The following EZH2 variants were observed in gnomAD, a reference collection of about 807,000 sequenced individuals.
The protein encoded by EZH2 is histone-lysine N-methyltransferase EZH2.
Under a neutral mutation model 98.4 loss-of-function variants are expected in EZH2, and 18 were observed. The ratio of observed to expected loss-of-function variants is 0.18; its 90% CI spans 0.13 to 0.27. The LOEUF (loss-of-function observed/expected upper bound fraction) is 0.27, where lower values mean the gene tolerates loss of function less well. Among genes scored for constraint, EZH2 ranks in the 10% least tolerant of loss-of-function variants. The pLI, the probability that EZH2 is intolerant of heterozygous loss-of-function variation, is 1.00. For synonymous variants in EZH2, 338 were observed against 312.3 expected, an observed-to-expected ratio of 1.08 and a Z score of -0.87; for missense variants, 470 against 935.1, an observed-to-expected ratio of 0.50 and a Z score of 6.49.
chr7:148,820,605 C>T (rs117650406), intron 8 of EZH2, among the ~76,000 whole-genome samples: 2,236 of 150,992 alleles, frequency 0.015, 27 homozygotes, highest in Middle Eastern at 0.024. Flanking sequence ...ATTCAAGGCT[C>T]AGATTCTGTT....
At chr7:148,826,775 C>A in intron 7 of EZH2, 143 bp from the exon 8 acceptor site, 1 of 541,682 alleles carries the variant, frequency 1.8e-6, no homozygotes, top group Non-Finnish European at 2.9e-6. Context: ...GATAAAGAGC[C>A]AACTAAATAT....
chr7:148,833,495 T>G (rs1191840156), intron 3 of EZH2, among the ~76,000 whole-genome samples: 2 of 151,902 alleles, frequency 1.3e-5, no homozygotes, highest in Non-Finnish European at 2.9e-5. Flanking sequence ...ATAAAAAGAA[T>G]AAGAAAACTT....
At chr7:148,833,550 C>G (rs1810025813) in intron 3 of EZH2, among the ~76,000 whole-genome samples, 4 of 152,142 alleles carry the variant, frequency 2.6e-5, no homozygotes, top group Non-Finnish European at 5.9e-5. Context: ...ATCTAAGTGT[C>G]AATTGCTGAT....
chr7:148,875,066 G>C (rs535548916), intron 1 of EZH2, among the ~76,000 whole-genome samples: 1 of 151,942 alleles, frequency 6.6e-6, no homozygotes, highest in Admixed American at 6.5e-5. Flanking sequence ...AAATGAAAAG[G>C]TTTGAATTAT....
chr7:148,832,773 G>C lies in EZH2; in HGVS notation c.247-23C>G, dbSNP rs751925270. ...ACACTAAAACAGAAAAAATAAAATT[G>C]ACTCTTAAGAATAAAAGGACAACCT... On this transcript the variant is annotated intron_variant, in intron 3 of 19. Transcript: ENST00000320356. 2.4e-5 allele frequency: 35 copies of C among 1,442,624 alleles called. No homozygotes were observed. In the Admixed American group the frequency reaches 6.2e-4, roughly 26 times the overall value. 89.4% of individuals were successfully genotyped at this position (1,442,624 alleles called of 1,614,324 possible).
At chr7:148,851,553 C>T (rs547663258) in intron 1 of EZH2, among the ~76,000 whole-genome samples, 2 of 152,098 alleles carry the variant, frequency 1.3e-5, no homozygotes, top group Non-Finnish European at 2.9e-5. Context: ...AACACCACAG[C>T]CAAGTAAGCA....
chr7:148,881,939 A>T (rs1821022656), intron 1 of EZH2, among the ~76,000 whole-genome samples: 1 of 140,742 alleles, frequency 7.1e-6, no homozygotes, highest in Non-Finnish European at 1.5e-5. Context: ...GTCTCAAAAA[A>T]AAAAAAACAT....
At chr7:148,839,131 G>A (rs1015452758) in intron 3 of EZH2, among the ~76,000 whole-genome samples, 1 of 149,426 alleles carries the variant, frequency 6.7e-6, no homozygotes, top group Non-Finnish European at 1.5e-5. Context: ...GATGGCACAG[G>A]CTGTGGTTTC....
chr7:148,871,633 G>C (rs1419941907), intron 1 of EZH2, among the ~76,000 whole-genome samples: 1 of 151,026 alleles, frequency 6.6e-6, no homozygotes, highest in African/African-American at 2.4e-5. Context: ...GAGTGCAATG[G>C]CATGAATAAC....
intron 8 of EZH2, 94 bp from the exon 9 acceptor site, chr7:148,819,781 A>C: frequency 3.7e-6 from 4 of 1,090,970 alleles, no homozygotes; most frequent in Non-Finnish European, 5.4e-6. Context: ...TTAATGGATT[A>C]TAATCTTGCT....
At chr7:148,809,276 A>AG (rs1295320017) in intron 18 of EZH2, 34 bp downstream of exon 18, 2 of 1,591,248 alleles carry the variant, frequency 1.3e-6, no homozygotes, top group Non-Finnish European at 1.7e-6. Context: ...AGGACTGAAA[A>AG]GGGAGTTCCA....
At chr7:148,844,420 A>G (rs1396790266) in intron 3 of EZH2, among the ~76,000 whole-genome samples, 1 of 152,194 alleles carries the variant, frequency 6.6e-6, no homozygotes, top group Non-Finnish European at 1.5e-5. Flanking sequence ...AAAAGGCGGA[A>G]AGGGGAAATA....
chr7:148,866,687 T>C (rs952436057), intron 1 of EZH2, among the ~76,000 whole-genome samples: 9 of 144,250 alleles, frequency 6.2e-5, no homozygotes, highest in African/African-American at 1.1e-4. Flanking sequence ...CGTATATGCA[T>C]ATATATATAC....
At chr7:148,853,897 T>C (rs899510544) in intron 1 of EZH2, among the ~76,000 whole-genome samples, 7 of 152,162 alleles carry the variant, frequency 4.6e-5, no homozygotes, top group African/African-American at 1.7e-4. Context: ...TCAGAAAAAG[T>C]AGAGCTTCCT....
chr7:148,860,309 G>A (rs1817475192), intron 1 of EZH2, among the ~76,000 whole-genome samples: 1 of 151,030 alleles, frequency 6.6e-6, no homozygotes, highest in African/African-American at 2.4e-5. Flanking sequence ...GCCCTGACTG[G>A]GTTGACAGCA....
chr7:148,825,038 C>T (rs2129474838), intron 8 of EZH2, among the ~76,000 whole-genome samples: 1 of 152,182 alleles, frequency 6.6e-6, no homozygotes, highest in South Asian at 2.1e-4. Flanking sequence ...TAGTGTCCTA[C>T]TTCTATGGTT....
chr7:148,882,136 ATG>A (rs1821099629), intron 1 of EZH2, among the ~76,000 whole-genome samples: 1 of 152,082 alleles, frequency 6.6e-6, no homozygotes, highest in Non-Finnish European at 1.5e-5. Flanking sequence ...TTTTGTTATA[ATG>A]TCTCAACACT....
At chr7:148,882,151 G>A (rs1198192123) in intron 1 of EZH2, among the ~76,000 whole-genome samples, 1 of 151,980 alleles carries the variant, frequency 6.6e-6, no homozygotes, top group African/African-American at 2.4e-5. Flanking sequence ...TCAACACTTA[G>A]ACCAGCACCT....
chr7:148,835,383 C>T (rs1810612613), intron 3 of EZH2, among the ~76,000 whole-genome samples: 1 of 149,362 alleles, frequency 6.7e-6, no homozygotes, highest in South Asian at 2.1e-4. Context: ...TGATCAGCAC[C>T]ACTGCACTCC....
Sources: gnomAD v4.1 joint callset for allele counts (sites outside exome capture counted in the v4.1 genomes callset) on GRCh38, gnomAD v4.1.1 for gene constraint, MANE v1.5 for transcripts, NCBI Gene and HGNC (gene_info 2026-07-23, HGNC 2026-07-21) for gene names.